PRKG1: variants seen among roughly 807,000 people sequenced by gnomAD.
PRKG1 encodes cGMP-dependent protein kinase 1.
In PRKG1, 35 loss-of-function variants were observed where a neutral mutation model predicts 88.1. That is an observed-to-expected ratio of 0.40 (90% CI 0.30 to 0.53). The LOEUF (loss-of-function observed/expected upper bound fraction) is 0.53. PRKG1 is among the 20% of genes least tolerant of loss of function. The pLI, the probability that PRKG1 is intolerant of heterozygous loss-of-function variation, is 0.59. For synonymous variants in PRKG1, 303 were observed against 292.5 expected, an observed-to-expected ratio of 1.04 and a Z score of -0.37; for missense variants, 540 against 839.8, an observed-to-expected ratio of 0.64 and a Z score of 4.41.
chr10:51,087,541 T>C (rs1025406980), intron 1 of PRKG1, among the ~76,000 whole-genome samples: 5 of 152,224 alleles, frequency 3.3e-5, no homozygotes, highest in Non-Finnish European at 5.9e-5. Flanking sequence ...TCACTCTCTA[T>C]ATGCTCTGTT....
At chr10:51,920,354 G>A (rs1937685) in intron 5 of PRKG1, among the ~76,000 whole-genome samples, 2 of 152,104 alleles carry the variant, frequency 1.3e-5, no homozygotes, top group African/African-American at 2.4e-5. Flanking sequence ...AGGCCCCGGG[G>A]AGAGAGCTGA....
At chr10:51,954,708 A>G (rs1589452788) in intron 5 of PRKG1, among the ~76,000 whole-genome samples, 1 of 152,152 alleles carries the variant, frequency 6.6e-6, no homozygotes, top group East Asian at 1.9e-4. Context: ...AATTTGGTAA[A>G]CTCAATAACT....
In PRKG1 at chr10:51,183,507, G is replaced by T. The variant is rs780848649; in HGVS notation, c.478+30177G>T. On this transcript the variant is annotated intron_variant, in intron 2 of 17. Transcript: ENST00000373980. ...TTATAATAGCTACCATTTATTGCAC[G>T]TGGTCACATTTGGTCCTCTGAGAAC... 2.6e-5 allele frequency among the ~76,000 whole-genome samples: 4 copies of T among 151,954 alleles called. No individual in the cohort carries two copies. The East Asian group carries it at 5.8e-4, about 22-fold the overall frequency.
At chr10:51,708,060 A>G (rs1175877412) in intron 3 of PRKG1, among the ~76,000 whole-genome samples, 1 of 152,176 alleles carries the variant, frequency 6.6e-6, no homozygotes, top group Non-Finnish European at 1.5e-5. Context: ...CACAGAAATT[A>G]ATCTGCTAGG....
intron 5 of PRKG1, among the ~76,000 whole-genome samples, chr10:51,926,464 T>C (rs1216724172): frequency 6.6e-6 from 1 of 152,240 alleles, no homozygotes; most frequent in East Asian, 1.9e-4. Flanking sequence ...CAAGAGATGC[T>C]GCTGAACAGT....
At chr10:52,078,911 C>T (rs1297042628) in intron 7 of PRKG1, among the ~76,000 whole-genome samples, 1 of 152,100 alleles carries the variant, frequency 6.6e-6, no homozygotes, top group African/African-American at 2.4e-5. Flanking sequence ...TTTTATTATC[C>T]CTTTCAATGT....
chr10:51,961,829 C>A (rs1480834931), intron 5 of PRKG1, among the ~76,000 whole-genome samples: 3 of 152,110 alleles, frequency 2.0e-5, no homozygotes, highest in Non-Finnish European at 2.9e-5. Flanking sequence ...GACATTGTTG[C>A]AGCTACTCTT....
intron 5 of PRKG1, among the ~76,000 whole-genome samples, chr10:52,039,456 G>A (rs577884285): frequency 1.3e-4 from 20 of 152,128 alleles, no homozygotes; most frequent in East Asian, 1.2e-3. Context: ...GTGGGGCAGG[G>A]CATATTCACT....
At chr10:52,194,003 A>T (rs949862674) in intron 9 of PRKG1, among the ~76,000 whole-genome samples, 2 of 152,184 alleles carry the variant, frequency 1.3e-5, no homozygotes, top group African/African-American at 4.8e-5. Flanking sequence ...TTTGTCTCTT[A>T]TATTTGGTAA....
intron 2 of PRKG1, among the ~76,000 whole-genome samples, chr10:51,433,101 GA>G (rs1424360153): frequency 6.6e-6 from 1 of 152,054 alleles, no homozygotes; most frequent in East Asian, 1.9e-4. Context: ...CATGTCTTCT[GA>G]AAAAGAGCTA....
intron 3 of PRKG1, among the ~76,000 whole-genome samples, chr10:51,656,364 G>A (rs571551106): frequency 1.2e-4 from 19 of 152,102 alleles, no homozygotes; most frequent in Non-Finnish European, 2.1e-4. Context: ...ACACTTGGTC[G>A]TGCTCTCTGA....
chr10:51,187,357 G>A (rs1215037421), intron 2 of PRKG1, among the ~76,000 whole-genome samples: 1 of 151,872 alleles, frequency 6.6e-6, no homozygotes, highest in Non-Finnish European at 1.5e-5. Context: ...GAAAAACTTG[G>A]CTATTTCTTG....
At chr10:51,705,036 T>C (rs1841571782) in intron 3 of PRKG1, among the ~76,000 whole-genome samples, 1 of 152,178 alleles carries the variant, frequency 6.6e-6, no homozygotes, top group African/African-American at 2.4e-5. Context: ...TCTCATTACT[T>C]CTCTCCATCC....
chr10:52,016,819 A>T (rs1903975), intron 5 of PRKG1, among the ~76,000 whole-genome samples: 36,644 of 152,030 alleles, frequency 0.24, 4,868 homozygotes, highest in Admixed American at 0.31. Flanking sequence ...AAAATTTTTT[A>T]AAAACACAGC....
chr10:52,163,800 T>C (rs1282947184), intron 9 of PRKG1, among the ~76,000 whole-genome samples: 1 of 152,112 alleles, frequency 6.6e-6, no homozygotes. Flanking sequence ...ACTGAAACAA[T>C]GAAATTCAGA....
chr10:52,171,896 G>A (rs906242420), intron 9 of PRKG1, among the ~76,000 whole-genome samples: 53 of 137,538 alleles, frequency 3.9e-4, no homozygotes, highest in Non-Finnish European at 6.6e-4. Context: ...TCCGCTTCCC[G>A]GGTTCACGCC....
rs138403161 is a variant in PRKG1 at position 51,243,241 on chromosome 10, T to C, written c.478+89911T>C. Among the ~76,000 whole-genome samples the C allele has an allele frequency of 1.7e-4, 26 of 152,206 alleles. No homozygotes were observed. The East Asian group carries it at 4.6e-3, about 27-fold the overall frequency. ...AGACAGCTGACTTAAGCAGGGAAAT[T>C]TGAGGAGAGTTTATTAAAAGGACTA... On this transcript the variant is annotated intron_variant, in intron 2 of 17. Coordinates refer to ENST00000373980, the MANE Select transcript of PRKG1 (RefSeq NM_006258.4).
chr10:51,763,030 G>T (rs1459344068), intron 3 of PRKG1, among the ~76,000 whole-genome samples: 1 of 152,042 alleles, frequency 6.6e-6, no homozygotes, highest in African/African-American at 2.4e-5. Flanking sequence ...TAATAATTAG[G>T]TTAATCGTTA....
intron 1 of PRKG1, among the ~76,000 whole-genome samples, chr10:50,993,720 A>G (rs557955149): frequency 2.6e-5 from 4 of 152,226 alleles, no homozygotes; most frequent in African/African-American, 7.2e-5. Context: ...TTTCACCAGG[A>G]TATGGAGGGG....
Sources: allele counts gnomAD v4.1 joint callset (sites outside exome capture counted in the v4.1 genomes callset), GRCh38; gene constraint gnomAD v4.1.1; transcripts MANE v1.5; gene names NCBI Gene and HGNC (gene_info 2026-07-23, HGNC 2026-07-21).